The following EXOC6B variants were observed in gnomAD, a reference collection of about 807,000 sequenced individuals.
EXOC6B encodes the protein SEC15 homolog B.
Under a neutral mutation model 113.5 loss-of-function variants are expected in EXOC6B, and 54 were observed. That is an observed-to-expected ratio of 0.48 (90% confidence interval 0.38 to 0.60). EXOC6B has a LOEUF of 0.60. Among genes scored for constraint, EXOC6B ranks in the 20% least tolerant of loss-of-function variants. The pLI is 0.00. For synonymous variants in EXOC6B, 357 were observed against 339.0 expected, an observed-to-expected ratio of 1.05 and a Z score of -0.58; for missense variants, 797 against 977.5, an observed-to-expected ratio of 0.82 and a Z score of 2.46.
intron 8 of EXOC6B, among the ~76,000 whole-genome samples, chr2:72,518,086 A>G (rs1701305956): frequency 6.6e-6 from 1 of 152,154 alleles, no homozygotes; most frequent in South Asian, 2.1e-4. Flanking sequence ...TAGATGTTTG[A>G]CCAGTCCAGT....
intron 18 of EXOC6B, among the ~76,000 whole-genome samples, chr2:72,400,745 A>G (rs577968893): frequency 6.6e-6 from 1 of 152,172 alleles, no homozygotes; most frequent in East Asian, 1.9e-4. Context: ...ATGACATACC[A>G]TCTTATACCA....
At chr2:72,667,384 T>G (rs1165206146) in intron 6 of EXOC6B, among the ~76,000 whole-genome samples, 2 of 152,168 alleles carry the variant, frequency 1.3e-5, no homozygotes, top group Non-Finnish European at 2.9e-5. Flanking sequence ...ATTCTAAAAT[T>G]CATATGGAAC....
chr2:72,183,689 C>A (rs1572957292), intron 21 of EXOC6B, among the ~76,000 whole-genome samples: 1 of 152,242 alleles, frequency 6.6e-6, no homozygotes, highest in East Asian at 1.9e-4. Context: ...GTTGCACTAT[C>A]CATCATCATA....
At chr2:72,762,757 ATAT>A (rs1485869208) in intron 1 of EXOC6B, among the ~76,000 whole-genome samples, 3 of 151,960 alleles carry the variant, frequency 2.0e-5, no homozygotes, top group Admixed American at 6.6e-5. Flanking sequence ...AACATATAAA[ATAT>A]TATTATTATT....
At chr2:72,215,883 A>G (rs1223664449) in intron 20 of EXOC6B, among the ~76,000 whole-genome samples, 1 of 152,170 alleles carries the variant, frequency 6.6e-6, no homozygotes, top group Non-Finnish European at 1.5e-5. Context: ...TCCTTTCTCC[A>G]TTGCAAAAGC....
intron 1 of EXOC6B, among the ~76,000 whole-genome samples, chr2:72,818,629 C>T (rs1559028007): frequency 6.6e-6 from 1 of 152,156 alleles, no homozygotes; most frequent in Non-Finnish European, 1.5e-5. Context: ...CCACATGTCA[C>T]TTTCCTGCTC....
intron 6 of EXOC6B, among the ~76,000 whole-genome samples, chr2:72,631,495 G>T (rs1180848977): frequency 2.2e-4 from 26 of 120,646 alleles, no homozygotes; most frequent in African/African-American, 5.3e-4. Flanking sequence ...GAGAGAGAGA[G>T]AGAGAGAGAG....
At chr2:72,237,933 CA>C (rs1682066374) in intron 20 of EXOC6B, among the ~76,000 whole-genome samples, 1 of 151,970 alleles carries the variant, frequency 6.6e-6, no homozygotes. Flanking sequence ...ATTCACATAC[CA>C]TATAATTCCC....
chr2:72,629,219 T>C (rs1206812539), intron 6 of EXOC6B, among the ~76,000 whole-genome samples: 2 of 152,194 alleles, frequency 1.3e-5, no homozygotes, highest in African/African-American at 4.8e-5. Context: ...ATTCCAGATG[T>C]ATTCCAAACA....
At chr2:72,629,536 T>C (rs577529156) in intron 6 of EXOC6B, among the ~76,000 whole-genome samples, 1 of 152,344 alleles carries the variant, frequency 6.6e-6, no homozygotes, top group Admixed American at 6.5e-5. Flanking sequence ...ATAGTGAGCA[T>C]ACTCTTTAAC....
chr2:72,513,912 C>T (rs1047422095), intron 10 of EXOC6B, among the ~76,000 whole-genome samples: 77 of 151,952 alleles, frequency 5.1e-4, no homozygotes, highest in Non-Finnish European at 5.0e-4. Flanking sequence ...TTAATAACTA[C>T]TAATTACATT....
chr2:72,647,408 A>T (rs543240615), intron 6 of EXOC6B, among the ~76,000 whole-genome samples: 2 of 152,222 alleles, frequency 1.3e-5, no homozygotes, highest in Non-Finnish European at 2.9e-5. Flanking sequence ...GACTTTCTTC[A>T]CAGAATTGGA....
At chr2:72,807,543 C>T (rs532764592) in intron 1 of EXOC6B, among the ~76,000 whole-genome samples, 122 of 152,176 alleles carry the variant, frequency 8.0e-4, no homozygotes, top group Non-Finnish European at 1.4e-3. Context: ...GAACCAAACT[C>T]CCATGTTTAT....
At chr2:72,392,465 T>C (rs192244842) in intron 18 of EXOC6B, among the ~76,000 whole-genome samples, 2 of 152,358 alleles carry the variant, frequency 1.3e-5, no homozygotes, top group South Asian at 2.1e-4. Flanking sequence ...AAATAATTCA[T>C]CTTTGATACA....
intron 20 of EXOC6B, among the ~76,000 whole-genome samples, chr2:72,318,442 A>G (rs932256315): frequency 6.6e-6 from 1 of 151,448 alleles, no homozygotes; most frequent in African/African-American, 2.4e-5. Context: ...TGCCCAGGCT[A>G]GAGTGCAATG....
chr2:72,355,566 T>A (rs1233926862), intron 19 of EXOC6B, among the ~76,000 whole-genome samples: 2 of 152,196 alleles, frequency 1.3e-5, no homozygotes, highest in East Asian at 3.9e-4. Flanking sequence ...ATAACAACTA[T>A]CCTTAGATTT....
At chr2:72,801,574 A>G (rs1685272898) in intron 1 of EXOC6B, among the ~76,000 whole-genome samples, 1 of 152,208 alleles carries the variant, frequency 6.6e-6, no homozygotes, top group Non-Finnish European at 1.5e-5. Flanking sequence ...AAAACTTATG[A>G]AGGATAAATA....
intron 19 of EXOC6B, among the ~76,000 whole-genome samples, chr2:72,367,680 C>G (rs1305527726): frequency 2.0e-5 from 3 of 152,166 alleles, no homozygotes; most frequent in African/African-American, 7.2e-5. Flanking sequence ...GCCACCCCTC[C>G]CCCATCCCCT....
chr2:72,801,582 A>G (rs1432365553), intron 1 of EXOC6B, among the ~76,000 whole-genome samples: 6 of 152,236 alleles, frequency 3.9e-5, no homozygotes, highest in Non-Finnish European at 8.8e-5. Context: ...TGAAGGATAA[A>G]TAATGCGTCT....
Sources: allele counts gnomAD v4.1 joint callset (sites outside exome capture counted in the v4.1 genomes callset), GRCh38; gene constraint gnomAD v4.1.1; transcripts MANE v1.5; gene names NCBI Gene and HGNC (gene_info 2026-07-23, HGNC 2026-07-21).